SAMTOR: variants seen among roughly 807,000 people sequenced by gnomAD.
SAMTOR encodes the protein S-adenosylmethionine sensor upstream of mTORC1.
the SAMTOR span, among the ~76,000 whole-genome samples, chr7:112,822,762 A>G: frequency 6.6e-6 from 1 of 152,112 alleles, no homozygotes; most frequent in Non-Finnish European, 1.5e-5. Context: ...GCTAAACAAG[A>G]AATACCATGA....
chr7:112,915,402 T>A, the SAMTOR span: 1 of 1,613,524 alleles, frequency 6.2e-7, no homozygotes, highest in Non-Finnish European at 8.5e-7. Context: ...ACAAAGAGTT[T>A]CTTCATCCTC....
the SAMTOR span, among the ~76,000 whole-genome samples, chr7:112,917,198 C>A: frequency 1.3e-5 from 2 of 152,186 alleles, no homozygotes; most frequent in Non-Finnish European, 2.9e-5. Context: ...CTGGGAGGCA[C>A]CCCCCAGTAG....
At chr7:112,852,313 ATGAATGGAACTGG>A in the SAMTOR span, among the ~76,000 whole-genome samples, 1 of 152,144 alleles carries the variant, frequency 6.6e-6, no homozygotes, top group East Asian at 1.9e-4. Context: ...TTGCAGCAGT[ATGAATGGAACTGG>A]AGGCCATGAC....
At chr7:112,910,623 T>C in the SAMTOR span, among the ~76,000 whole-genome samples, 9 of 152,086 alleles carry the variant, frequency 5.9e-5, no homozygotes, top group Non-Finnish European at 1.2e-4. Flanking sequence ...AATGATAACA[T>C]TTAGTATCTC....
At chr7:112,822,047 G>C in the SAMTOR span, 2 of 1,613,706 alleles carry the variant, frequency 1.2e-6, no homozygotes, top group Non-Finnish European at 1.7e-6. Flanking sequence ...TTGAGTACTT[G>C]AAGCGTTTAA....
At chr7:112,903,874 T>TA in the SAMTOR span, among the ~76,000 whole-genome samples, 1 of 152,024 alleles carries the variant, frequency 6.6e-6, no homozygotes, top group African/African-American at 2.4e-5. Context: ...AAGTTGTTTT[T>TA]AAAAAATCTA....
chr7:112,832,579 A>G, the SAMTOR span: 1 of 1,602,722 alleles, frequency 6.2e-7, no homozygotes, highest in South Asian at 1.1e-5. Context: ...CAGGTACAAT[A>G]TCTATGCCAA....
chr7:112,819,536 A>AT, the SAMTOR span: 3 of 152,476 alleles, frequency 2.0e-5, no homozygotes, highest in East Asian at 5.8e-4. Flanking sequence ...TTTTTGTGGA[A>AT]TGTGTATCAG....
chr7:112,865,589 A>G, the SAMTOR span, among the ~76,000 whole-genome samples: 1 of 146,100 alleles, frequency 6.8e-6, no homozygotes, highest in South Asian at 2.1e-4. Flanking sequence ...CGTCTCATTC[A>G]TATATATATA....
chr7:112,876,755 T>G, the SAMTOR span, among the ~76,000 whole-genome samples: 3 of 152,244 alleles, frequency 2.0e-5, no homozygotes, highest in Non-Finnish European at 4.4e-5. Flanking sequence ...GATGAATTGC[T>G]TGGCATAATA....
At chr7:112,893,725 A>G in the SAMTOR span, among the ~76,000 whole-genome samples, 1 of 152,192 alleles carries the variant, frequency 6.6e-6, no homozygotes, top group African/African-American at 2.4e-5. Context: ...AACATGGTGA[A>G]ACCCCGTCTC....
chr7:112,908,610 T>C, the SAMTOR span, among the ~76,000 whole-genome samples: 11 of 152,074 alleles, frequency 7.2e-5, no homozygotes, highest in Non-Finnish European at 1.0e-4. Context: ...AAAAGAAAGG[T>C]ACAGAGTATA....
chr7:112,852,324 T>C, the SAMTOR span, among the ~76,000 whole-genome samples: 2 of 152,140 alleles, frequency 1.3e-5, no homozygotes, highest in African/African-American at 4.8e-5. Context: ...TGAATGGAAC[T>C]GGAGGCCATG....
chr7:112,864,457 T>G, the SAMTOR span, among the ~76,000 whole-genome samples: 7 of 152,234 alleles, frequency 4.6e-5, no homozygotes, highest in African/African-American at 1.7e-4. Flanking sequence ...GATAGGATAC[T>G]GTGAATTCTA....
At chr7:112,902,450 A>AAAAAC in the SAMTOR span, among the ~76,000 whole-genome samples, 1 of 125,894 alleles carries the variant, frequency 7.9e-6, no homozygotes, top group East Asian at 2.3e-4. Context: ...AAAAAAAAAC[A>AAAAAC]AAAAAAAAAA....
At chr7:112,872,910 A>G in the SAMTOR span, among the ~76,000 whole-genome samples, 1 of 152,084 alleles carries the variant, frequency 6.6e-6, no homozygotes, top group Admixed American at 6.5e-5. Context: ...TCAAGAATGC[A>G]GTCCCCTTTA....
At chr7:112,903,322 A>G in the SAMTOR span, among the ~76,000 whole-genome samples, 1 of 152,148 alleles carries the variant, frequency 6.6e-6, no homozygotes, top group East Asian at 1.9e-4. Flanking sequence ...AAACAAAAAA[A>G]AAAAGTCGTA....
the SAMTOR span, chr7:112,915,543 T>C: frequency 1.0e-6 from 1 of 964,438 alleles, no homozygotes; most frequent in Non-Finnish European, 1.4e-6. Flanking sequence ...TAAAGATAAA[T>C]ACAAGCAAAA....
chr7:112,889,889 G>T, the SAMTOR span, among the ~76,000 whole-genome samples: 2 of 152,010 alleles, frequency 1.3e-5, no homozygotes, highest in Non-Finnish European at 2.9e-5. Context: ...TGCTAGAGGC[G>T]GCTAACTTGA....
Sources: gnomAD v4.1 joint callset for allele counts (sites outside exome capture counted in the v4.1 genomes callset) on GRCh38, gnomAD v4.1.1 for gene constraint, MANE v1.5 for transcripts, NCBI Gene and HGNC (gene_info 2026-07-23, HGNC 2026-07-21) for gene names.